The following CENPX variants were observed in gnomAD, a reference collection of about 807,000 sequenced individuals.
The protein encoded by CENPX is centromere protein X.
Under a neutral mutation model 13.2 loss-of-function variants are expected in CENPX, and 13 were observed. The ratio of observed to expected loss-of-function variants is 0.98; its 90% confidence interval spans 0.64 to 1.56. CENPX has a LOEUF of 1.56. Ranked by LOEUF, CENPX falls within the 40% of genes most tolerant of loss-of-function variation. The pLI is 0.00. For missense variants in CENPX, 138 were observed against 107.5 expected (o/e 1.28, Z -1.26); for synonymous variants, 66 against 47.2 (o/e 1.40, Z -1.63).
rs2043243175 is a variant in CENPX at position 82,019,663 on chromosome 17, C to G, written c.120G>C (p.Glu40Asp). The G allele has an allele frequency of 1.3e-6, 2 of 1,550,242 alleles. No individual in the cohort carries two copies. Among genetic ancestry groups the G allele is most frequent in the African/African-American group, 2.7e-5 (2 of 73,064 alleles). ...CACCCACAACGAAGACCTTCAGCAA[C>G]TCCACCATGAGCTGCAGCGCGTCCC... is the stretch of plus-strand genomic sequence containing the variant. ...VSGDALQLMV[E>D]LLKVFVVEAA... Residue 40 changes from glutamate to aspartate, a missense_variant, in exon 3 of 5, where the codon GAG becomes GAC. Physicochemically the swap from Glu to Asp is conservative, Grantham distance 45. Coordinates refer to ENST00000392359, the MANE Select transcript of CENPX (RefSeq NM_001271006.2).
intron 1 of CENPX, 26 bp from the exon 2 acceptor site, chr17:82,019,935 C>T (rs762980240): frequency 5.2e-6 from 8 of 1,547,370 alleles, no homozygotes; most frequent in Non-Finnish European, 6.1e-6. Flanking sequence ...GTGTCAGCGC[C>T]ACGCCCCGCC....
At position 82,019,288 on chromosome 17, in the gene CENPX, CGCACCAGCTGCGGAA is replaced by C. The variant is rs2043229089; in HGVS notation, c.221_231+4del. 3 of 1,597,680 alleles carry C rather than the reference CGCACCAGCTGCGGAA, an allele frequency of 1.9e-6. No individual in the cohort carries two copies. Among genetic ancestry groups the C allele is most frequent in the Non-Finnish European group, 1.7e-6 (2 of 1,172,290 alleles). On this transcript the variant is annotated splice_donor_variant and splice_donor_region_variant and coding_sequence_variant and intron_variant, in exon 4 of 5. Transcript: ENST00000392359. LOFTEE classifies it high-confidence loss of function. ...CCACTTGCGCCCCGACCCACGCTCA[CGCACCAGCTGCGGAA>C]GCACCTTCTCCAGCTGGTCCACGTC...
rs1328553745 is a variant in CENPX, at chr17:82,019,027, A to G, written c.*178T>C. 2.2e-6 allele frequency: 2 copies of G among 899,466 alleles called. No homozygotes were observed. The highest frequency in any genetic ancestry group is 5.7e-5 in the East Asian group (2 of 35,186). 55.7% of individuals were successfully genotyped at this position (899,466 alleles called of 1,614,324 possible). A position where few individuals can be genotyped will look rare whatever the true frequency, so the allele number is the denominator to read the frequency against. On this transcript the variant is annotated 3_prime_UTR_variant, in exon 5 of 5. Transcript: ENST00000392359. The stretch of plus-strand genomic sequence containing the variant: ...CCCCACTGGACACTCCAAGGCCCGC[A>G]GTGCACTGCAGTCCTGCCCCTTCTG...
chr17:82,022,605 C>T (rs1288273295), intron 1 of CENPX: 9 of 597,474 alleles, frequency 1.5e-5, no homozygotes, highest in Non-Finnish European at 2.6e-5. Context: ...TCTCCACCTT[C>T]CCGCAGCCCC....
At chr17:82,020,478 G>A (rs929235478) in intron 1 of CENPX, among the ~76,000 whole-genome samples, 8 of 152,226 alleles carry the variant, frequency 5.3e-5, no homozygotes, top group African/African-American at 1.9e-4. Flanking sequence ...CTGGTGTCCT[G>A]GGAGCGCAGA....
intron 3 of CENPX, 33 bp from the exon 4 acceptor site, chr17:82,019,414 T>C (rs1568007428): frequency 6.5e-7 from 1 of 1,532,390 alleles, no homozygotes; most frequent in South Asian, 1.2e-5. Context: ...TGGGGGATGC[T>C]GGGGGGATCT....
intron 3 of CENPX, 51 bp from the exon 4 acceptor site, chr17:82,019,432 G>A (rs368281167): frequency 7.9e-6 from 12 of 1,521,660 alleles, no homozygotes; most frequent in African/African-American, 4.1e-5. Flanking sequence ...TCTTAAACCC[G>A]AGCCCAGTGA....
intron 1 of CENPX, among the ~76,000 whole-genome samples, 160 bp from the exon 2 acceptor site, chr17:82,020,069 G>A (rs1295378823): frequency 6.6e-6 from 1 of 152,188 alleles, no homozygotes; most frequent in South Asian, 2.1e-4. Context: ...CTAGTGCTTC[G>A]GGTGGCAGAA....
intron 1 of CENPX, among the ~76,000 whole-genome samples, chr17:82,021,693 G>A (rs965092478): frequency 6.6e-6 from 1 of 152,200 alleles, no homozygotes; most frequent in Non-Finnish European, 1.5e-5. Flanking sequence ...GCCTCTAGTT[G>A]TCAGGTGGGC....
chr17:82,019,830 CACCT>C, intron 2 of CENPX, 24 bp downstream of exon 2: 1 of 1,597,770 alleles, frequency 6.3e-7, no homozygotes, highest in Non-Finnish European at 8.5e-7. Context: ...CACGGGGACC[CACCT>C]CCCGCCCGCA....
At position 82,019,702 on chromosome 17, in the gene CENPX, G is replaced by A. The variant is rs754983695; in HGVS notation, c.89-8C>T. On this transcript the variant is annotated splice_polypyrimidine_tract_variant and splice_region_variant and intron_variant, in intron 2 of 4. Coordinates refer to ENST00000392359, the MANE Select transcript of CENPX (RefSeq NM_001271006.2). Reference sequence around the variant, plus strand: ...GCAGCGCGTCCCCGCTCACTGCAAGGCAGGGGGAGGTTATGCGGGACCCTC... The same window carrying A: ...GCAGCGCGTCCCCGCTCACTGCAAGACAGGGGGAGGTTATGCGGGACCCTC... 340 of 1,550,170 alleles carry A rather than the reference G, an allele frequency of 2.2e-4. 2 individuals are homozygous for A. The highest frequency in any genetic ancestry group is 9.3e-4 in the South Asian group (78 of 84,070).
At position 82,019,313 on chromosome 17, in the gene CENPX, C is replaced by G. The variant is rs2043229941; in HGVS notation, c.211G>C (p.Glu71Gln). Residue 71 changes from glutamate (E) to glutamine (Q), a missense_variant, in exon 4 of 5, where the codon GAG becomes CAG. By Grantham distance (29) the Glu-to-Gln change is conservative. Transcript: ENST00000392359. Reference sequence around the variant, plus strand: ...CGCACCAGCTGCGGAAGCACCTTCTCCAGCTGGTCCACGTCCACACGGAGC... The same window carrying G: ...CGCACCAGCTGCGGAAGCACCTTCTGCAGCTGGTCCACGTCCACACGGAGC... Reference protein sequence around the residue: ...DALRVDVDQLEKVLPQLLLDF With the variant: ...DALRVDVDQLQKVLPQLLLDF The G allele has an allele frequency of 2.5e-6, 4 of 1,590,874 alleles. No individual in the cohort carries two copies. Among genetic ancestry groups the G allele is most frequent in the Non-Finnish European group, 3.4e-6 (4 of 1,170,060 alleles).
At chr17:82,019,403 G>A (rs1015394846) in intron 3 of CENPX, 22 bp from the exon 4 acceptor site, 21 of 1,536,868 alleles carry the variant, frequency 1.4e-5, no homozygotes, top group Non-Finnish European at 1.7e-5. Context: ...AACGCGAGAG[G>A]TGGGGGATGC....
At chr17:82,019,727 C>A (rs1055300069) in intron 2 of CENPX, 33 bp from the exon 3 acceptor site, 4 of 1,550,198 alleles carry the variant, frequency 2.6e-6, no homozygotes, top group African/African-American at 1.4e-5. Flanking sequence ...GCGGGACCCT[C>A]ACCCACCGCT....
At chr17:82,020,620 C>G (rs2043264009) in intron 1 of CENPX, among the ~76,000 whole-genome samples, 2 of 151,866 alleles carry the variant, frequency 1.3e-5, no homozygotes, top group Non-Finnish European at 2.9e-5. Flanking sequence ...TTGTGGAAAG[C>G]AGCACTGGCG....
intron 1 of CENPX, among the ~76,000 whole-genome samples, chr17:82,021,471 T>C (rs2043280608): frequency 6.6e-6 from 1 of 152,258 alleles, no homozygotes; most frequent in Non-Finnish European, 1.5e-5. Flanking sequence ...ATGCCAGGTC[T>C]GCCTCGACAA....
At chr17:82,022,743 C>A in intron 1 of CENPX, 83 bp downstream of exon 1, 1 of 1,468,560 alleles carries the variant, frequency 6.8e-7, no homozygotes, top group East Asian at 2.5e-5. Flanking sequence ...GGCGCGGGGG[C>A]TGGCGTCTGG....
Position 82,018,755 on chromosome 17 carries a change from G to T in CENPX, c.*450C>A, listed in dbSNP as rs1171991096. 2 of 260,594 alleles carry T rather than the reference G, an allele frequency of 7.7e-6. No homozygotes were observed. The highest frequency in any genetic ancestry group is 7.3e-6 in the Non-Finnish European group (1 of 137,538). The allele number at this position is 260,594 out of a possible 1,614,324, so 16.1% of individuals were successfully genotyped here. On this transcript the variant is annotated 3_prime_UTR_variant, in exon 5 of 5. Transcript: ENST00000392359. ...GTTGCTTTGTGAGAACAAATTTATA[G>T]CCTGGGGAAGCATCTTCCAAGGGGA...
In CENPX at chr17:82,022,732, C is replaced by T. The variant is rs561215725; in HGVS notation, c.36+94G>A. Reference sequence around the variant, plus strand: ...GGCCCAACCTCAAAGGCACAGGGGGCGGCGCGGGGGCTGGCGTCTGGCCCT... The same window carrying T: ...GGCCCAACCTCAAAGGCACAGGGGGTGGCGCGGGGGCTGGCGTCTGGCCCT... On this transcript the variant is annotated intron_variant, in intron 1 of 4. Coordinates refer to ENST00000392359, the MANE Select transcript of CENPX (RefSeq NM_001271006.2). 3.5e-6 allele frequency: 5 copies of T among 1,416,122 alleles called. No individual in the cohort carries two copies. The South Asian group carries it at 4.9e-5, about 14-fold the overall frequency. 87.7% of individuals were successfully genotyped at this position (1,416,122 alleles called of 1,614,324 possible).
Sources: gnomAD v4.1 joint callset for allele counts (sites outside exome capture counted in the v4.1 genomes callset) on GRCh38, gnomAD v4.1.1 for gene constraint, MANE v1.5 for transcripts, NCBI Gene and HGNC (gene_info 2026-07-23, HGNC 2026-07-21) for gene names.